The following SENP6 variants were observed in gnomAD, a reference collection of about 807,000 sequenced individuals.
SENP6 encodes the protein SUMO specific peptidase 6, also known as sentrin-specific protease 6.
In SENP6, 41 loss-of-function variants were observed where a neutral mutation model predicts 134.5. The observed-to-expected ratio is 0.30, with a 90% CI of 0.24 to 0.40. SENP6 has a LOEUF of 0.40. SENP6 is among the 10% of genes least tolerant of loss of function. The pLI is 1.00. For missense variants in SENP6, 1,248 were observed against 1,312.5 expected (o/e 0.95, Z 0.76); for synonymous variants, 395 against 429.8 (o/e 0.92, Z 1.00).
chr6:75,690,841 G>A (rs906126745), intron 16 of SENP6, among the ~76,000 whole-genome samples: 7 of 151,432 alleles, frequency 4.6e-5, no homozygotes, highest in South Asian at 2.1e-4. Flanking sequence ...GACTACAGGC[G>A]CTCACCACCA....
chr6:75,666,658 T>C (rs1772266911), intron 9 of SENP6, 54 bp from the exon 10 acceptor site: 2 of 908,558 alleles, frequency 2.2e-6, no homozygotes, highest in East Asian at 3.8e-5. Flanking sequence ...AAATGAAATA[T>C]AAAATTATAA....
intron 3 of SENP6, among the ~76,000 whole-genome samples, chr6:75,625,776 G>A (rs1366164656): frequency 6.6e-6 from 1 of 152,194 alleles, no homozygotes; most frequent in Non-Finnish European, 1.5e-5. Context: ...GGCTGAGGAA[G>A]GAGAATTGCT....
At chr6:75,610,974 A>G (rs1767402285) in intron 1 of SENP6, 1 of 152,216 alleles carries the variant, frequency 6.6e-6, no homozygotes, top group South Asian at 2.1e-4. Context: ...TTCACTTTTC[A>G]TTTTTAATAA....
chr6:75,633,946 C>T (rs1336641000), intron 4 of SENP6, among the ~76,000 whole-genome samples: 1 of 152,060 alleles, frequency 6.6e-6, no homozygotes, highest in African/African-American at 2.4e-5. Context: ...GCAAGAAATA[C>T]TTTGTTAGGG....
chr6:75,626,543 G>T (rs1768711058), intron 3 of SENP6, among the ~76,000 whole-genome samples: 1 of 152,090 alleles, frequency 6.6e-6, no homozygotes, highest in Admixed American at 6.5e-5. Context: ...CCCTACTGAT[G>T]AATAGAGATT....
chr6:75,616,618 C>T (rs1250256127), intron 1 of SENP6, among the ~76,000 whole-genome samples: 2 of 151,642 alleles, frequency 1.3e-5, no homozygotes, highest in East Asian at 1.9e-4. Context: ...TGGTAGCATG[C>T]GCCTGTAATC....
chr6:75,640,409 A>G (rs189896065), intron 5 of SENP6, among the ~76,000 whole-genome samples: 2 of 152,350 alleles, frequency 1.3e-5, no homozygotes, highest in African/African-American at 2.4e-5. Flanking sequence ...ATTGTATTCT[A>G]ACATATCTTC....
intron 16 of SENP6, among the ~76,000 whole-genome samples, chr6:75,690,400 A>G (rs1774158219): frequency 6.6e-6 from 1 of 152,254 alleles, no homozygotes; most frequent in Admixed American, 6.5e-5. Flanking sequence ...GCTTTAACAT[A>G]GATGAACCTT....
At chr6:75,661,814 C>T (rs957112240) in intron 8 of SENP6, among the ~76,000 whole-genome samples, 4 of 151,942 alleles carry the variant, frequency 2.6e-5, no homozygotes, top group South Asian at 2.1e-4. Flanking sequence ...TTTGGCAGGC[C>T]GAGGCAGGTG....
intron 1 of SENP6, among the ~76,000 whole-genome samples, chr6:75,609,789 A>T (rs1196228876): frequency 1.3e-5 from 2 of 152,094 alleles, no homozygotes; most frequent in Non-Finnish European, 2.9e-5. Flanking sequence ...TTGTTTTTTG[A>T]GATGGAGTAG....
intron 16 of SENP6, among the ~76,000 whole-genome samples, chr6:75,693,409 TAAA>T (rs534341760): frequency 1.6e-5 from 2 of 123,990 alleles, no homozygotes; most frequent in African/African-American, 3.1e-5. Context: ...GTCTGAAATT[TAAA>T]AAAAAAAAAA....
intron 3 of SENP6, among the ~76,000 whole-genome samples, chr6:75,627,224 A>C (rs539052201): frequency 1.3e-5 from 2 of 152,310 alleles, no homozygotes; most frequent in Non-Finnish European, 2.9e-5. Context: ...GGCCTCCCAA[A>C]GTGCTGAGAT....
At position 75,656,308 on chromosome 6, in the gene SENP6, T is replaced by A. The variant is rs116515352; in HGVS notation, c.551-2954T>A. On this transcript the variant is annotated intron_variant, in intron 7 of 23. Transcript: ENST00000447266. ...TTCCTACCGCAGGGTCTTTGGTAAA[T>A]ACTCTTTATTCTCTTTCTCATCCCT... Among the ~76,000 whole-genome samples the A allele has an allele frequency of 9.6e-3, 1,466 of 151,934 alleles. 21 individuals are homozygous for A. The highest frequency in any genetic ancestry group is 0.034 in the African/African-American group (1,400 of 41,440).
At chr6:75,707,677 TGTG>T (rs1775495937) in intron 19 of SENP6, among the ~76,000 whole-genome samples, 1 of 151,986 alleles carries the variant, frequency 6.6e-6, no homozygotes, top group African/African-American at 2.4e-5. Context: ...TTTTTGTTGT[TGTG>T]GTGGTGGATT....
At chr6:75,690,557 T>C (rs1204776125) in intron 16 of SENP6, among the ~76,000 whole-genome samples, 1 of 152,184 alleles carries the variant, frequency 6.6e-6, no homozygotes, top group Non-Finnish European at 1.5e-5. Flanking sequence ...AGTTGTTTAA[T>C]AGACATATGT....
intron 1 of SENP6, among the ~76,000 whole-genome samples, chr6:75,610,104 T>C (rs1214523762): frequency 6.6e-6 from 1 of 152,116 alleles, no homozygotes; most frequent in African/African-American, 2.4e-5. Flanking sequence ...TAACTTCTAG[T>C]TGATTGGGAA....
chr6:75,695,197 G>C (rs1325094600), intron 16 of SENP6, among the ~76,000 whole-genome samples: 1 of 151,866 alleles, frequency 6.6e-6, no homozygotes, highest in Non-Finnish European at 1.5e-5. Flanking sequence ...TTGGTTTTTT[G>C]TGTGTGTGAC....
At chr6:75,621,437 T>C in intron 1 of SENP6, 95 bp from the exon 2 acceptor site, 1 of 755,216 alleles carries the variant, frequency 1.3e-6, no homozygotes, top group Non-Finnish European at 2.2e-6. Context: ...TAAAACAAAA[T>C]CTAGAATAAT....
chr6:75,653,660 G>GTT (rs35936649), intron 7 of SENP6, among the ~76,000 whole-genome samples: 104 of 146,054 alleles, frequency 7.1e-4, no homozygotes, highest in African/African-American at 9.6e-4. Context: ...GGAATGTTGT[G>GTT]TTTTTTTTTT....
Sources: allele counts gnomAD v4.1 joint callset (sites outside exome capture counted in the v4.1 genomes callset), GRCh38; gene constraint gnomAD v4.1.1; transcripts MANE v1.5; gene names NCBI Gene and HGNC (gene_info 2026-07-23, HGNC 2026-07-21).